The following NEMP2 variants were observed in gnomAD, a reference collection of about 807,000 sequenced individuals.
NEMP2 encodes nuclear envelope integral membrane protein 2.
NEMP2 carries 53 observed loss-of-function variants against 54.2 expected under a neutral mutation model. The ratio of observed to expected loss-of-function variants is 0.98; its 90% CI spans 0.78 to 1.23. The LOEUF (loss-of-function observed/expected upper bound fraction) is 1.23, where lower values mean the gene tolerates loss of function less well. Among genes scored for constraint, NEMP2 ranks in the 50% most tolerant of loss-of-function variants. The pLI, the probability that NEMP2 is intolerant of heterozygous loss-of-function variation, is 0.00. For missense variants in NEMP2, 455 were observed against 511.3 expected, an observed-to-expected ratio of 0.89 and a Z score of 1.06; for synonymous variants, 197 against 190.3, an observed-to-expected ratio of 1.04 and a Z score of -0.29.
At chr2:190,536,257 T>C (rs538100433), upstream of NEMP2, among the ~76,000 whole-genome samples, 2 of 152,296 alleles carry the variant, frequency 1.3e-5, no homozygotes, top group South Asian at 4.1e-4. Context: ...TTCTTCTGTA[T>C]GAAAACCTTA....
At chr2:190,534,924 CGGCCTT>C (rs1226190551), upstream of NEMP2, 4 of 318,874 alleles carry the variant, frequency 1.3e-5, no homozygotes, top group East Asian at 4.8e-5. Context: ...GCCTCGGCCT[CGGCCTT>C]GGCCTCCGGG....
the NEMP2 span, among the ~76,000 whole-genome samples, chr2:190,589,267 C>A: frequency 1.5e-4 from 23 of 152,198 alleles, no homozygotes; most frequent in East Asian, 7.7e-4. The surrounding 1 kb of genome is among the most constrained non-coding windows in gnomAD (Gnocchi z 4.3). Flanking sequence ...AGGAATGCCC[C>A]TTTTGAAAAA....
chr2:190,556,412 C>A, the NEMP2 span, among the ~76,000 whole-genome samples: 5 of 152,148 alleles, frequency 3.3e-5, no homozygotes, highest in African/African-American at 1.2e-4. Flanking sequence ...CCTTTGAAAA[C>A]CGGCACAAGA....
chr2:190,470,394 C>G, the NEMP2 span, among the ~76,000 whole-genome samples: 1 of 152,194 alleles, frequency 6.6e-6, no homozygotes, highest in East Asian at 1.9e-4. Flanking sequence ...AGTGTACTGT[C>G]TCCCATCAAG....
downstream of NEMP2, chr2:190,499,747 C>A: frequency 3.0e-6 from 4 of 1,344,308 alleles, no homozygotes; most frequent in Non-Finnish European, 4.0e-6. The surrounding 1 kb of genome is among the most constrained non-coding windows in gnomAD (Gnocchi z 6.0). Flanking sequence ...TTACCAAGTA[C>A]TAACAGACAT....
the NEMP2 span, among the ~76,000 whole-genome samples, chr2:190,646,243 G>A: frequency 2.0e-5 from 3 of 152,326 alleles, no homozygotes; most frequent in East Asian, 3.9e-4. Context: ...CTTCCAGAGG[G>A]CCTTCAGAGG....
the NEMP2 span, among the ~76,000 whole-genome samples, chr2:190,542,939 T>G: frequency 6.6e-6 from 1 of 152,264 alleles, no homozygotes; most frequent in African/African-American, 2.4e-5. This position sits in a 1 kb window ranked among gnomAD's most constrained non-coding sequence, Gnocchi z 4.6. Flanking sequence ...TACTATAGTT[T>G]CTTGTGAATC....
At chr2:190,470,251 ATTATT>A in the NEMP2 span, among the ~76,000 whole-genome samples, 1 of 152,212 alleles carries the variant, frequency 6.6e-6, no homozygotes, top group Non-Finnish European at 1.5e-5. Context: ...TGTTGTCATA[ATTATT>A]TTATCTCTTC....
At chr2:190,556,393 G>T in the NEMP2 span, among the ~76,000 whole-genome samples, 10 of 152,298 alleles carry the variant, frequency 6.6e-5, no homozygotes, top group African/African-American at 2.4e-4. Flanking sequence ...GCAAAAATTG[G>T]AAGCATTCCC....
the NEMP2 span, among the ~76,000 whole-genome samples, chr2:190,579,526 T>C: frequency 6.6e-5 from 10 of 152,146 alleles, no homozygotes; most frequent in Non-Finnish European, 1.3e-4. Flanking sequence ...GACTATAGTG[T>C]GCTTAAGTAA....
the NEMP2 span, chr2:190,463,903 A>G: frequency 9.1e-6 from 9 of 984,640 alleles, no homozygotes; most frequent in African/African-American, 1.6e-4. This position sits in a 1 kb window ranked among gnomAD's most constrained non-coding sequence, Gnocchi z 4.4. Flanking sequence ...ACTGTCTACC[A>G]TACAGAAAAC....
the NEMP2 span, among the ~76,000 whole-genome samples, chr2:190,481,748 A>G: frequency 6.6e-6 from 1 of 152,226 alleles, no homozygotes; most frequent in Non-Finnish European, 1.5e-5. Context: ...CTATACATCA[A>G]TAGGTGTGGG....
the NEMP2 span, among the ~76,000 whole-genome samples, chr2:190,632,717 C>T: frequency 6.6e-6 from 1 of 152,144 alleles, no homozygotes; most frequent in Non-Finnish European, 1.5e-5. This position sits in a 1 kb window ranked among gnomAD's most constrained non-coding sequence, Gnocchi z 4.8. Context: ...TGGGTAAACT[C>T]TATTCCCAAC....
chr2:190,488,898 A>T, the NEMP2 span: 7 of 1,304,036 alleles, frequency 5.4e-6, no homozygotes, highest in Admixed American at 1.1e-4. The surrounding 1 kb of genome is among the most constrained non-coding windows in gnomAD (Gnocchi z 6.4). Flanking sequence ...TAAACAATCC[A>T]ATTATTACTG....
downstream of NEMP2, chr2:190,501,794 C>T (rs1690036591): frequency 6.6e-6 from 1 of 152,570 alleles, no homozygotes; most frequent in African/African-American, 2.4e-5. Context: ...TTATTTTTTG[C>T]ACTTGAACTG....
the NEMP2 span, among the ~76,000 whole-genome samples, chr2:190,451,440 A>G: frequency 6.6e-6 from 1 of 152,240 alleles, no homozygotes; most frequent in African/African-American, 2.4e-5. This position sits in a 1 kb window ranked among gnomAD's most constrained non-coding sequence, Gnocchi z 5.0. Flanking sequence ...GCACTGTGCT[A>G]TAATCTAGGG....
chr2:190,488,611 A>C, the NEMP2 span: 1 of 1,400,622 alleles, frequency 7.1e-7, no homozygotes, highest in East Asian at 2.7e-5. This position sits in a 1 kb window ranked among gnomAD's most constrained non-coding sequence, Gnocchi z 6.4. Context: ...AGAGTAGCCT[A>C]AGAAATGCTA....
chr2:190,577,070 C>A, the NEMP2 span, among the ~76,000 whole-genome samples: 1 of 152,116 alleles, frequency 6.6e-6, no homozygotes, highest in Non-Finnish European at 1.5e-5. The surrounding 1 kb of genome is among the most constrained non-coding windows in gnomAD (Gnocchi z 4.8). Context: ...CTTAAGATGC[C>A]ATTGAAAAGC....
the NEMP2 span, among the ~76,000 whole-genome samples, chr2:190,434,660 C>G: frequency 6.6e-6 from 1 of 152,152 alleles, no homozygotes; most frequent in African/African-American, 2.4e-5. This position sits in a 1 kb window ranked among gnomAD's most constrained non-coding sequence, Gnocchi z 4.3. Flanking sequence ...TCTCAATCTC[C>G]TGAACTCATG....
Sources: allele counts gnomAD v4.1 joint callset (sites outside exome capture counted in the v4.1 genomes callset), GRCh38; gene constraint gnomAD v4.1.1; non-coding constraint Gnocchi (gnomAD v3.1); transcripts MANE v1.5; gene names NCBI Gene and HGNC (gene_info 2026-07-23, HGNC 2026-07-21).